ELOVL7: variants seen among roughly 807,000 people sequenced by gnomAD.
ELOVL7 encodes the protein ELOVL fatty acid elongase 7.
In ELOVL7, 27 loss-of-function variants were observed where a neutral mutation model predicts 35.7. The ratio of observed to expected loss-of-function variants is 0.76; its 90% CI spans 0.56 to 1.04. The LOEUF (loss-of-function observed/expected upper bound fraction) is 1.04, where lower values mean the gene tolerates loss of function less well. ELOVL7 is among the 50% of genes least tolerant of loss of function. ELOVL7 has a pLI of 0.00. For synonymous variants in ELOVL7, 113 were observed against 114.6 expected (o/e 0.99, Z 0.09); for missense variants, 327 against 340.8 (o/e 0.96, Z 0.32).
chr5:60,820,230 C>A (rs1034452015), intron 1 of ELOVL7, among the ~76,000 whole-genome samples: 1 of 152,194 alleles, frequency 6.6e-6, no homozygotes, highest in Non-Finnish European at 1.5e-5. Flanking sequence ...ATTCCAAGCT[C>A]CCATTGGAGC....
At chr5:60,841,100 A>G (rs2112418301) in intron 1 of ELOVL7, among the ~76,000 whole-genome samples, 1 of 144,704 alleles carries the variant, frequency 6.9e-6, no homozygotes, top group African/African-American at 2.6e-5. Flanking sequence ...ATCTCAGCTC[A>G]CTGCAACCTC....
intron 1 of ELOVL7, among the ~76,000 whole-genome samples, chr5:60,825,378 G>A (rs867409754): frequency 2.6e-5 from 4 of 152,060 alleles, no homozygotes; most frequent in African/African-American, 7.2e-5. Flanking sequence ...CCAACAACAC[G>A]CACTTCCCTT....
intron 1 of ELOVL7, among the ~76,000 whole-genome samples, chr5:60,804,024 C>A (rs960309025): frequency 8.5e-5 from 13 of 152,148 alleles, no homozygotes; most frequent in Non-Finnish European, 1.8e-4. Context: ...CTGTTTGGCA[C>A]AAGCTCTTCA....
intron 1 of ELOVL7, among the ~76,000 whole-genome samples, chr5:60,801,562 GC>G (rs1744615287): frequency 6.6e-6 from 1 of 151,948 alleles, no homozygotes; most frequent in South Asian, 2.1e-4. Flanking sequence ...AATTAGCCAG[GC>G]ATGGTGGCGC....
At chr5:60,834,424 C>T (rs1041331509) in intron 1 of ELOVL7, among the ~76,000 whole-genome samples, 3 of 152,136 alleles carry the variant, frequency 2.0e-5, no homozygotes, top group Non-Finnish European at 2.9e-5. Flanking sequence ...GGATTACAGG[C>T]GTGAGCCACT....
rs1168267549 is a variant in ELOVL7 at position 60,753,590 on chromosome 5, T to C, written c.*1034A>G. On this transcript the variant is annotated 3_prime_UTR_variant, in exon 9 of 9. Coordinates refer to ENST00000508821, the MANE Select transcript of ELOVL7 (RefSeq NM_024930.3). Reference sequence around the variant, plus strand: ...TCTCTGTGCCACAATTTGCCTCTAGTTGCTTCACAGCCACTCTAACTCATA... The same window carrying C: ...TCTCTGTGCCACAATTTGCCTCTAGCTGCTTCACAGCCACTCTAACTCATA... 1 of 152,202 alleles carries C rather than the reference T, an allele frequency of 6.6e-6. No homozygotes were observed. Among genetic ancestry groups the C allele is most frequent in the Non-Finnish European group, 1.5e-5 (1 of 68,016 alleles). 9.4% of individuals were successfully genotyped at this position (152,202 alleles called of 1,614,324 possible).
intron 1 of ELOVL7, among the ~76,000 whole-genome samples, chr5:60,804,185 C>A (rs745508340): frequency 6.6e-6 from 1 of 152,154 alleles, no homozygotes; most frequent in East Asian, 1.9e-4. Flanking sequence ...ATACAATTCA[C>A]GTAAAAACCT....
chr5:60,797,828 A>G (rs1744356665), intron 2 of ELOVL7, among the ~76,000 whole-genome samples: 2 of 152,210 alleles, frequency 1.3e-5, no homozygotes, highest in Non-Finnish European at 2.9e-5. Flanking sequence ...CACTAAAGGG[A>G]AAAAGCAGCT....
intron 1 of ELOVL7, among the ~76,000 whole-genome samples, chr5:60,817,237 TA>T (rs550224107): frequency 0.018 from 2,417 of 135,882 alleles, 27 homozygotes; most frequent in Non-Finnish European, 0.024. Flanking sequence ...TTCAACAAAT[TA>T]AAAAAAAAAA....
rs768536243 is a variant in ELOVL7 at position 60,753,493 on chromosome 5, T to G, written c.*1131A>C. The stretch of plus-strand genomic sequence containing the variant: ...ACATTAATTATATAATATATTACTA[T>G]TATGTAGTCTGTCTGTCTCTCTCTC... On this transcript the variant is annotated 3_prime_UTR_variant, in exon 9 of 9. Transcript: ENST00000508821. The G allele has an allele frequency of 6.6e-6, 1 of 152,204 alleles. No homozygotes were observed. The highest frequency in any genetic ancestry group is 2.4e-5 in the African/African-American group (1 of 41,456). The allele number at this position is 152,204 out of a possible 1,614,324, so 9.4% of individuals were successfully genotyped here. A position where few individuals can be genotyped will look rare whatever the true frequency, so the allele number is the denominator to read the frequency against.
At chr5:60,782,583 G>C (rs924919102) in intron 3 of ELOVL7, among the ~76,000 whole-genome samples, 1 of 152,172 alleles carries the variant, frequency 6.6e-6, no homozygotes, top group African/African-American at 2.4e-5. Flanking sequence ...CAGACCTGTA[G>C]ACACATAGAT....
Position 60,754,840 on chromosome 5 carries a change from A to C in ELOVL7, c.637-7T>G, listed in dbSNP as rs1741439067. The C allele has an allele frequency of 1.2e-6, 2 of 1,611,666 alleles. No individual in the cohort carries two copies. Among genetic ancestry groups the C allele is most frequent in the Admixed American group, 1.7e-5 (1 of 59,590 alleles). On this transcript the variant is annotated splice_polypyrimidine_tract_variant and splice_region_variant and intron_variant, in intron 8 of 8. Transcript: ENST00000508821. Reference sequence around the variant, plus strand: ...CGACAATAACAAACTGGACCTAAGAAATGAAAACGTGAAAAAAAATTATTC... The same window carrying C: ...CGACAATAACAAACTGGACCTAAGACATGAAAACGTGAAAAAAAATTATTC...
chr5:60,778,005 G>A (rs1743008239), intron 3 of ELOVL7, among the ~76,000 whole-genome samples: 1 of 152,154 alleles, frequency 6.6e-6, no homozygotes, highest in Non-Finnish European at 1.5e-5. Context: ...AAAACATAAA[G>A]TTCTATAATT....
chr5:60,764,176 G>T, intron 7 of ELOVL7, 51 bp downstream of exon 7: 1 of 1,181,214 alleles, frequency 8.5e-7, no homozygotes, highest in Non-Finnish European at 1.2e-6. Context: ...TTTGTTTTTA[G>T]CATATAGAAA....
chr5:60,800,023 T>G (rs1417846578), intron 1 of ELOVL7, among the ~76,000 whole-genome samples: 2 of 73,952 alleles, frequency 2.7e-5, no homozygotes, highest in Non-Finnish European at 4.9e-5. Flanking sequence ...GGCTCAAAAC[T>G]CCATCTCAAA....
intron 1 of ELOVL7, among the ~76,000 whole-genome samples, chr5:60,841,433 T>G (rs1747166976): frequency 6.6e-6 from 1 of 152,212 alleles, no homozygotes; most frequent in African/African-American, 2.4e-5. Context: ...AGAATTATGT[T>G]CAGTGGGTCT....
At chr5:60,792,579 G>C (rs150336224) in intron 2 of ELOVL7, among the ~76,000 whole-genome samples, 1 of 152,266 alleles carries the variant, frequency 6.6e-6, no homozygotes, top group Non-Finnish European at 1.5e-5. Context: ...ATAAAGATAG[G>C]AGGCAAGCCT....
chr5:60,825,306 C>T (rs1039717450), intron 1 of ELOVL7, among the ~76,000 whole-genome samples: 1 of 152,172 alleles, frequency 6.6e-6, no homozygotes, highest in Admixed American at 6.5e-5. Context: ...TTCTTTTCCT[C>T]CAGATATCTG....
intron 1 of ELOVL7, among the ~76,000 whole-genome samples, chr5:60,816,821 A>G (rs1284317453): frequency 1.3e-5 from 2 of 152,258 alleles, no homozygotes; most frequent in South Asian, 2.1e-4. Flanking sequence ...AAAAAAAATT[A>G]ATTGAAATCC....
Sources: allele counts gnomAD v4.1 joint callset (sites outside exome capture counted in the v4.1 genomes callset), GRCh38; gene constraint gnomAD v4.1.1; transcripts MANE v1.5; gene names NCBI Gene and HGNC (gene_info 2026-07-23, HGNC 2026-07-21).